Variants in SMUG1 observed in about 807,000 individuals in gnomAD.
SMUG1 encodes the protein single-strand selective monofunctional uracil DNA glycosylase.
In SMUG1, 13 loss-of-function variants were observed where a neutral mutation model predicts 23.9. That is an observed-to-expected ratio of 0.54 (90% CI 0.35 to 0.86). The LOEUF (loss-of-function observed/expected upper bound fraction) is 0.86, where lower values mean the gene tolerates loss of function less well. SMUG1 is among the 40% of genes least tolerant of loss of function. The pLI, the probability that SMUG1 is intolerant of heterozygous loss-of-function variation, is 0.01. For missense variants in SMUG1, 313 were observed against 339.5 expected, an observed-to-expected ratio of 0.92 and a Z score of 0.61; for synonymous variants, 133 against 139.8, an observed-to-expected ratio of 0.95 and a Z score of 0.34.
rs1407450456 is a variant in SMUG1, at chr12:54,182,279, C to T, written c.630G>A (p.Val210=). The change falls in exon 4 of 4, where the codon GTG becomes GTA. Residue 210 remains valine (V), a synonymous_variant. Coordinates refer to ENST00000682136, the MANE Select transcript of SMUG1 (RefSeq NM_001243787.2). ...GCTCTGCCAGTCGCCCAACTCCCACCACCAGCCGCACCCCCAGCAGCTGCA... is the reference window on the plus strand; with the variant it reads ...GCTCTGCCAGTCGCCCAACTCCCACTACCAGCCGCACCCCCAGCAGCTGCA... The part of the protein sequence containing the change: ...RQVQLLGVRL[V]VGVGRLAEQR... 6 of 1,612,050 alleles carry T rather than the reference C, an allele frequency of 3.7e-6. No individual in the cohort carries two copies. In the African/African-American group the frequency reaches 6.7e-5, roughly 18 times the overall value.
At chr12:54,176,120 G>A (rs1940742840), downstream of SMUG1, among the ~76,000 whole-genome samples, 1 of 152,150 alleles carries the variant, frequency 6.6e-6, no homozygotes, top group Admixed American at 6.5e-5. Context: ...CAGCTACTCA[G>A]GAGGCTGAGG....
chr12:54,179,437 T>C (rs1019578203), downstream of SMUG1, among the ~76,000 whole-genome samples: 36 of 152,106 alleles, frequency 2.4e-4, no homozygotes, highest in Admixed American at 2.4e-3. Flanking sequence ...CTCAGCTAAA[T>C]ATATAATGAA....
chr12:54,163,717 AG>A (rs1940347567), downstream of SMUG1, among the ~76,000 whole-genome samples: 1 of 152,220 alleles, frequency 6.6e-6, no homozygotes, highest in Non-Finnish European at 1.5e-5. Context: ...CCTGCATTCA[AG>A]CCCCAATTCT....
rs1358954911 is a variant in SMUG1, at chr12:54,182,233, C to G, written c.676G>C (p.Ala226Pro). 20 of 1,612,078 alleles carry G rather than the reference C, an allele frequency of 1.2e-5. No individual in the cohort carries two copies. Among genetic ancestry groups the G allele is most frequent in the Non-Finnish European group, 1.6e-5 (19 of 1,178,642 alleles). ...ACCTGGACCTCTGGCATCAGGCCTG[C>G]CAGAGCCCGTCGTGCCCGCTGCTCT... ...LAEQRARRAL[A>P]GLMPEVQVEG... Residue 226 changes from alanine to proline, a missense_variant, in exon 4 of 4, where the codon GCA becomes CCA. By Grantham distance (27) the Ala-to-Pro change is conservative. Transcript: ENST00000682136.
chr12:54,165,306 T>C (rs1940416948), intron 4 of SMUG1: 1 of 152,182 alleles, frequency 6.6e-6, no homozygotes. Flanking sequence ...GCAGCTGAAG[T>C]GAAATACAAC....
chr12:54,173,243 C>G (rs1454035516), intron 2 of SMUG1: 2 of 153,722 alleles, frequency 1.3e-5, no homozygotes, highest in Non-Finnish European at 1.5e-5. Context: ...GAGGCAGACA[C>G]CCAGCGAGAG....
At chr12:54,188,142 AC>A (rs1001150626) in intron 1 of SMUG1, among the ~76,000 whole-genome samples, 19 of 152,084 alleles carry the variant, frequency 1.2e-4, no homozygotes, top group Non-Finnish European at 2.8e-4. Flanking sequence ...CCGACTTCAG[AC>A]TGATGTCAGA....
chr12:54,171,172 G>A (rs1307605669), intron 3 of SMUG1, among the ~76,000 whole-genome samples: 1 of 151,040 alleles, frequency 6.6e-6, no homozygotes, highest in African/African-American at 2.4e-5. Flanking sequence ...GCTAATTTTT[G>A]TATTTTTCAG....
In SMUG1 at chr12:54,166,288, G is replaced by A. The variant is rs552924619; in HGVS notation, c.*53-810C>T. Among the ~76,000 whole-genome samples, 30 of 152,314 alleles carry A rather than the reference G, an allele frequency of 2.0e-4. 2 individuals carry two copies. The highest frequency in any genetic ancestry group is 6.5e-4 in the African/African-American group (27 of 41,566). On this transcript the variant is annotated intron_variant and NMD_transcript_variant, in intron 3 of 4. Coordinates refer to the SMUG1 transcript ENST00000509864. ...AGGCAGGAGAATTGCTTGAACCTGG[G>A]AGGCAGAGGTTGCAGTGAGCCTAGA...
intron 3 of SMUG1, chr12:54,168,314 G>A (rs1220073828): frequency 6.6e-6 from 1 of 152,170 alleles, no homozygotes; most frequent in African/African-American, 2.4e-5. Context: ...ATCTGCCTGA[G>A]AGAACCCTCC....
At chr12:54,171,686 C>CAAAAA (rs55830557) in intron 3 of SMUG1, among the ~76,000 whole-genome samples, 4 of 69,044 alleles carry the variant, frequency 5.8e-5, no homozygotes, top group Non-Finnish European at 7.8e-5. Flanking sequence ...AGTCTTGTCT[C>CAAAAA]AAAAAAAAAA....
rs999815660 is a variant in SMUG1 at position 54,181,932 on chromosome 12, C to T, written c.*164G>A. 6.8e-5 allele frequency: 99 copies of T among 1,463,208 alleles called. No homozygotes were observed. The highest frequency in any genetic ancestry group is 8.7e-5 in the Non-Finnish European group (97 of 1,110,614). 90.6% of individuals were successfully genotyped at this position (1,463,208 alleles called of 1,614,324 possible). On this transcript the variant is annotated 3_prime_UTR_variant, in exon 4 of 4. Transcript: ENST00000682136. ...CAAACAGGAGTAGTGTCAAAACTGC[C>T]ATGGCAGGTTGGAAGACAGTTCAAC... is the stretch of plus-strand genomic sequence containing the variant.
chr12:54,164,495 T>C (rs536048609), downstream of SMUG1: 2 of 152,408 alleles, frequency 1.3e-5, no homozygotes, highest in African/African-American at 4.8e-5. Flanking sequence ...CAGCTCGTTA[T>C]GCAAACATGA....
chr12:54,175,671 C>T (rs959159216), downstream of SMUG1, among the ~76,000 whole-genome samples: 1 of 152,194 alleles, frequency 6.6e-6, no homozygotes, highest in Admixed American at 6.5e-5. Flanking sequence ...TTGTTCACAA[C>T]ATGCTTTCAG....
In SMUG1 at chr12:54,181,891, G is replaced by T; in HGVS notation, c.*205C>A. 1 of 1,426,384 alleles carries T rather than the reference G, an allele frequency of 7.0e-7. No individual in the cohort carries two copies. Among genetic ancestry groups the T allele is most frequent in the East Asian group, 2.5e-5 (1 of 39,646 alleles). 88.4% of individuals were successfully genotyped at this position (1,426,384 alleles called of 1,614,324 possible). ...GGGGCAATGTTAAAAGGTAAAGAAA[G>T]CAGGAATCAGGAGGGCAAACAGGAG... is the stretch of plus-strand genomic sequence containing the variant. On this transcript the variant is annotated 3_prime_UTR_variant, in exon 4 of 4. Transcript: ENST00000682136.
chr12:54,182,965 C>T, intron 3 of SMUG1: 1 of 260,060 alleles, frequency 3.8e-6, no homozygotes, highest in Non-Finnish European at 7.2e-6. Context: ...GAAAGGCAGC[C>T]AGGGTTAAAG....
rs1565833337 is a variant in SMUG1 at position 54,185,512 on chromosome 12, ATAAATAAATAAAT to A, written c.-19-1566_-19-1554del. On this transcript the variant is annotated intron_variant, in intron 2 of 3. Transcript: ENST00000682136. ...AATAAATAAATAAATAAATAAATAA[ATAAATAAATAAAT>A]AAATTTGCCGGGCGCAACAGCTCAT... Among the ~76,000 whole-genome samples the A allele has an allele frequency of 9.9e-4, 92 of 93,052 alleles. 21 individuals are homozygous for A. Among genetic ancestry groups the A allele is most frequent in the Non-Finnish European group, 1.5e-3 (58 of 39,354 alleles). The allele number at this position is 93,052 out of a possible 152,430, so 61.0% of individuals were successfully genotyped here. A position where few individuals can be genotyped will look rare whatever the true frequency, so the allele number is the denominator to read the frequency against.
chr12:54,184,284 G>C (rs1370604377), intron 2 of SMUG1: 1 of 212,158 alleles, frequency 4.7e-6, no homozygotes, highest in Non-Finnish European at 9.3e-6. Context: ...GCACATAGTA[G>C]GTTTTCAATA....
downstream of SMUG1, among the ~76,000 whole-genome samples, chr12:54,177,604 T>C (rs1451185628): frequency 1.3e-5 from 2 of 152,028 alleles, no homozygotes; most frequent in African/African-American, 4.8e-5. Flanking sequence ...TTAGAATAAT[T>C]CTCACAATGC....
Sources: gnomAD v4.1 joint callset for allele counts (sites outside exome capture counted in the v4.1 genomes callset) on GRCh38, gnomAD v4.1.1 for gene constraint, MANE v1.5 for transcripts, NCBI Gene and HGNC (gene_info 2026-07-23, HGNC 2026-07-21) for gene names.